The following MYH8 variants were observed in gnomAD, a reference collection of about 807,000 sequenced individuals.
MYH8 encodes myosin-8.
In MYH8, 168 loss-of-function variants were observed where a neutral mutation model predicts 233.2. The observed-to-expected ratio is 0.72, with a 90% CI of 0.64 to 0.82. The LOEUF (loss-of-function observed/expected upper bound fraction) is 0.82, where lower values mean the gene tolerates loss of function less well. Ranked by LOEUF, MYH8 falls within the 40% of genes least tolerant of loss-of-function variation. The probability of loss-of-function intolerance (pLI) is 0.00; values close to 1 mark genes in which losing one functional copy is unlikely to be tolerated. For synonymous variants in MYH8, 785 were observed against 850.6 expected (o/e 0.92, Z 1.34); for missense variants, 1,995 against 2,327.8 (o/e 0.86, Z 2.94).
In MYH8 at chr17:10,401,613, T is replaced by C. The variant is rs1597399789; in HGVS notation, c.2861A>G (p.Lys954Arg). ...CAGCTCAAGGTCATCAATGTCTTTC[T>C]TGAGTTCTGAACATTCATCCTCCAG... ...RKLEDECSEL[K>R]KDIDDLELTL... The change falls in exon 23 of 40, where the codon AAG becomes AGG. Residue 954 changes from lysine to arginine, a missense_variant. Around this residue, in one of 3 missense-constraint regions of MYH8, gnomAD observed 1,498 missense variants for 1,680.9 expected, o/e 0.89. Coordinates refer to ENST00000403437, the MANE Select transcript of MYH8 (RefSeq NM_002472.3). 6 of 1,614,198 alleles carry C rather than the reference T, an allele frequency of 3.7e-6. No homozygotes were observed. In the East Asian group the frequency reaches 6.7e-5, roughly 18 times the overall value.
chr17:10,415,873 T>C lies in MYH8; in HGVS notation c.512-165A>G, dbSNP rs1354813958. 6.6e-6 allele frequency among the ~76,000 whole-genome samples: 1 copy of C among 152,226 alleles called. No homozygotes were observed. The highest frequency in any genetic ancestry group is 2.4e-5 in the African/African-American group (1 of 41,466). Reference sequence around the variant, plus strand: ...CAAAATAGCCAATTGCTTCTCAGTGTAAAATTTGTGAAAATGAAAGCAAAG... The same window carrying C: ...CAAAATAGCCAATTGCTTCTCAGTGCAAAATTTGTGAAAATGAAAGCAAAG... On this transcript the variant is annotated intron_variant, in intron 5 of 39. Transcript: ENST00000403437. The surrounding 1 kb of genome is among the most constrained non-coding windows in gnomAD (Gnocchi z 4.1).
rs2072321727 is a variant in MYH8 at position 10,419,956 on chromosome 17, T to G, written c.210+62A>C. Reference sequence around the variant, plus strand: ...ACAGGCTTGGAGATTCCCAGTAAGTTAGGCTTCAACTTTTGAACCAAGAAA... The same window carrying G: ...ACAGGCTTGGAGATTCCCAGTAAGTGAGGCTTCAACTTTTGAACCAAGAAA... On this transcript the variant is annotated intron_variant, in intron 3 of 39. Coordinates refer to ENST00000403437, the MANE Select transcript of MYH8 (RefSeq NM_002472.3). This position sits in a 1 kb window ranked among gnomAD's most constrained non-coding sequence, Gnocchi z 4.0. The G allele has an allele frequency of 1.6e-5, 24 of 1,543,308 alleles. No homozygotes were observed. The highest frequency in any genetic ancestry group is 3.3e-5 in the Admixed American group (2 of 59,952).
At chr17:10,411,427 AG>A (rs2072243846) in intron 14 of MYH8, among the ~76,000 whole-genome samples, 1 of 151,984 alleles carries the variant, frequency 6.6e-6, no homozygotes, top group African/African-American at 2.4e-5. Flanking sequence ...CATGAATCCC[AG>A]GCATTGTTGA....
rs1303702809 is a variant in MYH8, at chr17:10,406,799, C to G, written c.2062G>C (p.Glu688Gln). ...AGCTGGTGCAACACAAGTTCATGTT[C>G]CATTGCCCCTAAAAATATAGAACAG... ...PNETKTPGAMEHELVLHQLRC... is the reference protein window; with the variant it reads ...PNETKTPGAMQHELVLHQLRC... Residue 688 changes from glutamate (E) to glutamine (Q), a missense_variant, in exon 19 of 40, where the codon GAA (glutamate) becomes CAA (glutamine). Glu to Gln is a conservative substitution (Grantham distance 29). Around this residue, in one of 3 missense-constraint regions of MYH8, gnomAD observed 1,498 missense variants for 1,680.9 expected, o/e 0.89. Transcript: ENST00000403437. 1 of 1,614,090 alleles carries G rather than the reference C, an allele frequency of 6.2e-7. No individual in the cohort carries two copies. Among genetic ancestry groups the G allele is most frequent in the Non-Finnish European group, 8.5e-7 (1 of 1,179,992 alleles).
In MYH8 at chr17:10,396,875, G is replaced by A. The variant is rs1364099383; in HGVS notation, c.4290C>T (p.Asp1430=). The A allele has an allele frequency of 6.2e-7, 1 of 1,614,214 alleles. No individual in the cohort carries two copies. The change falls in exon 31 of 40, where the codon GAC becomes GAT. Residue 1430 remains aspartate (D), a synonymous_variant. Transcript: ENST00000403437. This position sits in a 1 kb window ranked among gnomAD's most constrained non-coding sequence, Gnocchi z 4.2. The part of the protein sequence containing the change: ...TKQRLQNEVE[D]LMLDVERSNA... ...TAGACCTTTCCACATCAAGCATGAG[G>A]TCTTCAACTTCATTCTGGAGCCGCT...
In MYH8 at chr17:10,404,580, G is replaced by C; in HGVS notation, c.2438C>G (p.Ala813Gly). The C allele has an allele frequency of 6.2e-7, 1 of 1,613,874 alleles. No individual in the cohort carries two copies. Among genetic ancestry groups the C allele is most frequent in the Non-Finnish European group, 8.5e-7 (1 of 1,179,814 alleles). ...EYQKMLQRRE[A>G]LFCIQYNVRA... ...GACATTATACTGGATGCAGAAAAGT[G>C]CTTCTCTGCGATGACATGAAAATAT... The change falls in exon 22 of 40, where the codon GCA becomes GGA. Residue 813 changes from alanine (A) to glycine (G), a missense_variant. This residue lies in a region of MYH8 where 1,498 missense variants were observed against 1,680.9 expected (regional missense o/e 0.89). Coordinates refer to ENST00000403437, the MANE Select transcript of MYH8 (RefSeq NM_002472.3).
At position 10,400,317 on chromosome 17, in the gene MYH8, A is replaced by G; in HGVS notation, c.3735+73T>C. The G allele has an allele frequency of 6.3e-7, 1 of 1,576,618 alleles. No homozygotes were observed. The highest frequency in any genetic ancestry group is 8.7e-7 in the Non-Finnish European group (1 of 1,156,040). On this transcript the variant is annotated intron_variant, in intron 27 of 39. Transcript: ENST00000403437. This position sits in a 1 kb window ranked among gnomAD's most constrained non-coding sequence, Gnocchi z 4.0. ...GAGTAGTGCTGTAAAATGCCTGCAAACAATGTTTAGTGATAGAGAATAATG... is the reference window on the plus strand; with the variant it reads ...GAGTAGTGCTGTAAAATGCCTGCAAGCAATGTTTAGTGATAGAGAATAATG...
At chr17:10,392,428 T>G (rs1567680485) in intron 38 of MYH8, 114 bp downstream of exon 38, 1 of 967,972 alleles carries the variant, frequency 1.0e-6, no homozygotes, top group East Asian at 2.4e-5. Flanking sequence ...ACTCCTTACA[T>G]GTACCAAGTT....
chr17:10,415,699 TTCTC>T lies in MYH8; in HGVS notation c.517_520del (p.Glu173IlefsTer5). 1 of 1,613,944 alleles carries T rather than the reference TTCTC, an allele frequency of 6.2e-7. No individual in the cohort carries two copies. Among genetic ancestry groups the T allele is most frequent in the Non-Finnish European group, 8.5e-7 (1 of 1,179,870 alleles). On this transcript the variant is annotated frameshift_variant, in exon 6 of 40. Transcript: ENST00000403437. LOFTEE classifies it high-confidence loss of function. The surrounding 1 kb of genome is among the most constrained non-coding windows in gnomAD (Gnocchi z 4.1). ...CACATACGTGATCAGGATGGACTGA[TTCTC>T]TCGATCTGTGAAAGAATTCAAAATC...
At position 10,409,467 on chromosome 17, in the gene MYH8, T is replaced by C. The variant is rs1385836788; in HGVS notation, c.1709A>G (p.Lys570Arg). 1 of 1,614,214 alleles carries C rather than the reference T, an allele frequency of 6.2e-7. No homozygotes were observed. Among genetic ancestry groups the C allele is most frequent in the Non-Finnish European group, 8.5e-7 (1 of 1,180,036 alleles). Reference sequence around the variant, plus strand: ...GGCCTCAGCCTTGCCTTTGACCACCTTGGGCTTCTGGAAGTTGGCAGACTT... The same window carrying C: ...GGCCTCAGCCTTGCCTTTGACCACCCTGGGCTTCTGGAAGTTGGCAGACTT... ...LGKSANFQKP[K>R]VVKGKAEAHF... Residue 570 changes from lysine (K) to arginine (R), a missense_variant, in exon 16 of 40, where the codon AAG becomes AGG. Physicochemically the swap from Lys to Arg is conservative, Grantham distance 26. This residue lies in a region of MYH8 where 1,498 missense variants were observed against 1,680.9 expected (regional missense o/e 0.89). Coordinates refer to ENST00000403437, the MANE Select transcript of MYH8 (RefSeq NM_002472.3).
intron 22 of MYH8, among the ~76,000 whole-genome samples, chr17:10,402,725 A>G (rs569447122): frequency 1.3e-5 from 2 of 152,322 alleles, no homozygotes; most frequent in South Asian, 4.1e-4. Context: ...ACATTCTCCT[A>G]TATAACTACA....
Position 10,415,390 on chromosome 17 carries a change from A to G in MYH8, c.649-6T>C. On this transcript the variant is annotated splice_polypyrimidine_tract_variant and splice_region_variant and intron_variant, in intron 7 of 39. Coordinates refer to ENST00000403437, the MANE Select transcript of MYH8 (RefSeq NM_002472.3). This position sits in a 1 kb window ranked among gnomAD's most constrained non-coding sequence, Gnocchi z 4.1. The stretch of plus-strand genomic sequence containing the variant: ...ATTTGATCTTCCAGAGTCCCCTGCA[A>G]AGGAAGGAGCAGTTCTCACATCTGG... 1 of 1,614,110 alleles carries G rather than the reference A, an allele frequency of 6.2e-7. No individual in the cohort carries two copies. Among genetic ancestry groups the G allele is most frequent in the Non-Finnish European group, 8.5e-7 (1 of 1,179,956 alleles).
At chr17:10,409,873 A>C (rs942498827) in intron 15 of MYH8, among the ~76,000 whole-genome samples, 4 of 152,224 alleles carry the variant, frequency 2.6e-5, no homozygotes, top group African/African-American at 9.6e-5. Flanking sequence ...TTTCCTATTC[A>C]GTGAATAAAT....
intron 5 of MYH8, 63 bp downstream of exon 5, chr17:10,418,582 G>A: frequency 6.2e-7 from 1 of 1,611,770 alleles, no homozygotes; most frequent in African/African-American, 1.3e-5. Flanking sequence ...CTCGGAAGAG[G>A]TCTGTCTGTT....
chr17:10,394,677 G>A (rs937027434), intron 34 of MYH8, among the ~76,000 whole-genome samples: 3 of 152,238 alleles, frequency 2.0e-5, no homozygotes, highest in African/African-American at 7.2e-5. Context: ...TGTGTCATGT[G>A]TGAGTCACTA....
chr17:10,409,193 G>A lies in MYH8; in HGVS notation c.1898-29C>T, dbSNP rs201199013. Reference sequence around the variant, plus strand: ...AGGTAAAAAGAAAACCCGTGAATAAGAATAGAATACCAGAGGCTTATATGA... The same window carrying A: ...AGGTAAAAAGAAAACCCGTGAATAAAAATAGAATACCAGAGGCTTATATGA... On this transcript the variant is annotated intron_variant, in intron 16 of 39. Transcript: ENST00000403437. The A allele has an allele frequency of 1.2e-4, 186 of 1,613,962 alleles. 1 individual carries two copies. The East Asian group carries it at 3.5e-3, about 31-fold the overall frequency.
At position 10,394,240 on chromosome 17, in the gene MYH8, G is replaced by A. The variant is rs1260267384; in HGVS notation, c.5166+9C>T. The A allele has an allele frequency of 1.9e-6, 3 of 1,613,724 alleles. No individual in the cohort carries two copies. In the Admixed American group the frequency reaches 5.0e-5, roughly 27 times the overall value. On this transcript the variant is annotated intron_variant, in intron 35 of 39. Coordinates refer to ENST00000403437, the MANE Select transcript of MYH8 (RefSeq NM_002472.3). Reference sequence around the variant, plus strand: ...GTACACCAGCATTTGTTTGATGTGAGGGTCTCACCTGGGTGTGGAGGAGCT... The same window carrying A: ...GTACACCAGCATTTGTTTGATGTGAAGGTCTCACCTGGGTGTGGAGGAGCT...
intron 38 of MYH8, among the ~76,000 whole-genome samples, chr17:10,392,208 A>T (rs1172908100): frequency 2.6e-5 from 4 of 152,228 alleles, no homozygotes; most frequent in African/African-American, 9.6e-5. Context: ...CCCATCCGGG[A>T]AAATAGACAC....
Position 10,415,918 on chromosome 17 carries a change from T to C in MYH8, c.512-210A>G, listed in dbSNP as rs553183114. ...GCAAAGAATCATCTCTTCCTTTTTG[T>C]ATTTATTAATTTTTAATTGCGATGA... On this transcript the variant is annotated intron_variant, in intron 5 of 39. Coordinates refer to ENST00000403437, the MANE Select transcript of MYH8 (RefSeq NM_002472.3). The surrounding 1 kb of genome is among the most constrained non-coding windows in gnomAD (Gnocchi z 4.1). Among the ~76,000 whole-genome samples, 1 of 152,312 alleles carries C rather than the reference T, an allele frequency of 6.6e-6. No individual in the cohort carries two copies. The highest frequency in any genetic ancestry group is 2.1e-4 in the South Asian group (1 of 4,824).
Sources: gnomAD v4.1 joint callset for allele counts (sites outside exome capture counted in the v4.1 genomes callset) on GRCh38, gnomAD v4.1.1 for gene constraint, gnomAD v4.1.1 regional missense constraint, Gnocchi (gnomAD v3.1) non-coding constraint, MANE v1.5 for transcripts, NCBI Gene and HGNC (gene_info 2026-07-23, HGNC 2026-07-21) for gene names.